The following RBPJ variants were observed in gnomAD, a reference collection of about 807,000 sequenced individuals.
RBPJ encodes the protein recombining binding protein suppressor of hairless.
Under a neutral mutation model 67.8 loss-of-function variants are expected in RBPJ, and 9 were observed. The observed-to-expected ratio is 0.13, with a 90% CI of 0.08 to 0.23. RBPJ has a LOEUF of 0.23. Ranked by LOEUF, RBPJ falls within the 10% of genes least tolerant of loss-of-function variation. RBPJ has a pLI of 1.00. For synonymous variants in RBPJ, 198 were observed against 203.3 expected (o/e 0.97, Z 0.22); for missense variants, 305 against 595.6 (o/e 0.51, Z 5.08).
chr4:26,129,463 C>T, the RBPJ span, among the ~76,000 whole-genome samples: 1 of 152,168 alleles, frequency 6.6e-6, no homozygotes, highest in Non-Finnish European at 1.5e-5. Context: ...GTGGAAAGAG[C>T]TCTGAGCTGC....
chr4:26,194,709 C>T (rs1266365166), intron 1 of RBPJ, among the ~76,000 whole-genome samples: 3 of 152,194 alleles, frequency 2.0e-5, no homozygotes, highest in South Asian at 2.1e-4. Flanking sequence ...TGTGTGGACC[C>T]GTGTGTCTCC....
intron 1 of RBPJ, among the ~76,000 whole-genome samples, chr4:26,213,219 C>A (rs763265452): frequency 6.6e-6 from 1 of 152,134 alleles, no homozygotes. Context: ...ACACCTCTAT[C>A]CCAGGTGGCT....
At chr4:26,184,916 C>G (rs1010103974) in intron 1 of RBPJ, among the ~76,000 whole-genome samples, 1 of 152,008 alleles carries the variant, frequency 6.6e-6, no homozygotes, top group African/African-American at 2.4e-5. Context: ...CCAAGATGGG[C>G]AGATCACCTG....
At chr4:26,120,877 T>G in the RBPJ span, among the ~76,000 whole-genome samples, 1 of 143,916 alleles carries the variant, frequency 6.9e-6, no homozygotes, top group Non-Finnish European at 1.6e-5. Context: ...GCTATTCTTA[T>G]CTAGCCCTAT....
At position 26,255,571 on chromosome 4, in the gene RBPJ, G is replaced by A. The variant is rs572992879; in HGVS notation, c.-167+91957G>A. On this transcript the variant is annotated intron_variant, in intron 1 of 4. Transcript: ENST00000512351. ...TAATCCCAGCACTTTGGGAGGCCAA[G>A]GCGGGCGGATCACGAGGTCGGGAGA... Among the ~76,000 whole-genome samples, 70 of 151,130 alleles carry A rather than the reference G, an allele frequency of 4.6e-4. 1 individual carries two copies. The highest frequency in any genetic ancestry group is 1.9e-4 in the Non-Finnish European group (13 of 67,806).
At chr4:26,349,093 C>CGTGCGCGCGCGT (rs1553867512) in intron 1 of RBPJ, among the ~76,000 whole-genome samples, 3 of 150,738 alleles carry the variant, frequency 2.0e-5, no homozygotes, top group East Asian at 2.0e-4. Context: ...TGTGTGCGCG[C>CGTGCGCGCGCGT]GCGCACGCAC....
chr4:26,286,496 A>G (rs1721473450), intron 1 of RBPJ, among the ~76,000 whole-genome samples: 1 of 147,276 alleles, frequency 6.8e-6, no homozygotes, highest in African/African-American at 2.5e-5. Context: ...AAAAAAAAAG[A>G]GACAAACAAA....
intron 1 of RBPJ, among the ~76,000 whole-genome samples, chr4:26,241,395 A>G (rs1053543091): frequency 3.9e-5 from 6 of 152,316 alleles, no homozygotes; most frequent in Middle Eastern, 3.4e-3. Context: ...CATGAAGAAA[A>G]TTCCAGGCAA....
intron 1 of RBPJ, among the ~76,000 whole-genome samples, chr4:26,210,507 G>A (rs1718346767): frequency 6.6e-6 from 1 of 152,070 alleles, no homozygotes; most frequent in Admixed American, 6.6e-5. Flanking sequence ...TTATTTAAAA[G>A]AAGCTATATG....
intron 1 of RBPJ, among the ~76,000 whole-genome samples, chr4:26,185,219 A>G (rs1453550023): frequency 1.4e-5 from 2 of 145,938 alleles, no homozygotes; most frequent in Non-Finnish European, 3.0e-5. Context: ...AAGGGCTTGT[A>G]TTTTTTAAAG....
intron 1 of RBPJ, among the ~76,000 whole-genome samples, chr4:26,293,294 T>G (rs1478891900): frequency 6.7e-6 from 1 of 150,198 alleles, no homozygotes; most frequent in Non-Finnish European, 1.5e-5. Context: ...ATCTGGAAGG[T>G]GGTGCCCTCA....
intron 1 of RBPJ, among the ~76,000 whole-genome samples, chr4:26,351,513 TG>T (rs2109445252): frequency 6.6e-6 from 1 of 152,316 alleles, no homozygotes; most frequent in Non-Finnish European, 1.5e-5. Context: ...CCCAAGTAGA[TG>T]GGACTACAGG....
At chr4:26,406,342 A>G (rs1733409992) in intron 3 of RBPJ, 72 bp downstream of exon 3, 2 of 902,122 alleles carry the variant, frequency 2.2e-6, no homozygotes. Context: ...ATTAATATAC[A>G]TGTCAGAGGA....
At chr4:26,411,256 TTAAATAAATAAA>T (rs371915967) in intron 3 of RBPJ, among the ~76,000 whole-genome samples, 2 of 151,938 alleles carry the variant, frequency 1.3e-5, no homozygotes, top group Non-Finnish European at 2.9e-5. Context: ...GTCTTTAAAA[TTAAATAAATAAA>T]TAAATAAATA....
At chr4:26,167,081 G>A (rs1399362931) in intron 1 of RBPJ, among the ~76,000 whole-genome samples, 4 of 152,026 alleles carry the variant, frequency 2.6e-5, no homozygotes, top group African/African-American at 9.7e-5. Flanking sequence ...CTATAGCTCT[G>A]TTTTGGTACC....
chr4:26,157,786 C>G, the RBPJ span, among the ~76,000 whole-genome samples: 1 of 152,208 alleles, frequency 6.6e-6, no homozygotes, highest in Non-Finnish European at 1.5e-5. Context: ...TCTGCCCTCT[C>G]TTGCTTCCCT....
Position 26,424,786 on chromosome 4 carries a change from T to G in RBPJ, c.747+43T>G. The G allele has an allele frequency of 8.8e-7, 1 of 1,138,902 alleles. No homozygotes were observed. The allele number at this position is 1,138,902 out of a possible 1,614,324, so 70.5% of individuals were successfully genotyped here. A position where few individuals can be genotyped will look rare whatever the true frequency, so the allele number is the denominator to read the frequency against. Reference sequence around the variant, plus strand: ...CTTTAGTGATAATGTGAAGTAAAAATTAATTTCTTAAACAGGAAAATCACA... The same window carrying G: ...CTTTAGTGATAATGTGAAGTAAAAAGTAATTTCTTAAACAGGAAAATCACA... On this transcript the variant is annotated intron_variant, in intron 7 of 10. Transcript: ENST00000355476. This position sits in a 1 kb window ranked among gnomAD's most constrained non-coding sequence, Gnocchi z 5.3.
At chr4:26,336,969 T>G (rs1724899878) in intron 1 of RBPJ, among the ~76,000 whole-genome samples, 1 of 151,284 alleles carries the variant, frequency 6.6e-6, no homozygotes. Flanking sequence ...TTGTTTAGCG[T>G]TTTTTGTTTG....
intron 1 of RBPJ, among the ~76,000 whole-genome samples, chr4:26,332,141 A>AGCT (rs1484823750): frequency 6.6e-6 from 1 of 152,216 alleles, no homozygotes; most frequent in African/African-American, 2.4e-5. Context: ...ATTTACTTAC[A>AGCT]GCTTATAATA....
Sources: allele counts gnomAD v4.1 joint callset (sites outside exome capture counted in the v4.1 genomes callset), GRCh38; gene constraint gnomAD v4.1.1; non-coding constraint Gnocchi (gnomAD v3.1); transcripts MANE v1.5; gene names NCBI Gene and HGNC (gene_info 2026-07-23, HGNC 2026-07-21).